The following TFB1M variants were observed in gnomAD, a reference collection of about 807,000 sequenced individuals.
The protein encoded by TFB1M is transcription factor B1, mitochondrial, also known as dimethyladenosine transferase 1, mitochondrial.
A neutral mutation model predicts 31.1 loss-of-function variants in TFB1M; 27 were observed. The ratio of observed to expected loss-of-function variants is 0.87; its 90% CI spans 0.64 to 1.20. TFB1M has a LOEUF of 1.20. Among genes scored for constraint, TFB1M ranks in the 50% most tolerant of loss-of-function variants. The pLI, the probability that TFB1M is intolerant of heterozygous loss-of-function variation, is 0.00. For synonymous variants in TFB1M, 166 were observed against 151.8 expected (o/e 1.09, Z -0.69); for missense variants, 394 against 418.7 (o/e 0.94, Z 0.51).
intron 5 of TFB1M, chr6:155,264,287 A>G (rs1237791612): frequency 6.6e-6 from 1 of 152,196 alleles, no homozygotes; most frequent in Non-Finnish European, 1.5e-5. Context: ...CAACTTTCCC[A>G]GGTAAGGAGA....
chr6:155,265,084 G>A (rs1000567928), intron 5 of TFB1M, among the ~76,000 whole-genome samples: 4 of 152,232 alleles, frequency 2.6e-5, no homozygotes, highest in African/African-American at 9.6e-5. Flanking sequence ...TGGTGTCTGT[G>A]AAGCAGCAGC....
chr6:155,261,209 C>T (rs186476259), intron 5 of TFB1M, among the ~76,000 whole-genome samples: 1 of 152,298 alleles, frequency 6.6e-6, no homozygotes, highest in Non-Finnish European at 1.5e-5. Context: ...ACTACACACA[C>T]AAAAATGCTA....
chr6:155,264,485 C>T (rs946438835), intron 5 of TFB1M, among the ~76,000 whole-genome samples: 4 of 152,192 alleles, frequency 2.6e-5, no homozygotes, highest in African/African-American at 9.7e-5. Context: ...AAGCTGACAG[C>T]ATTCTAAGTA....
At chr6:155,237,496 C>T in the TFB1M span, among the ~76,000 whole-genome samples, 1,616 of 152,356 alleles carry the variant, frequency 0.011, 30 homozygotes, top group African/African-American at 0.037. Context: ...CTGTGTGGGG[C>T]TCCAACCCCA....
At chr6:155,261,566 A>T (rs1296807726) in intron 5 of TFB1M, among the ~76,000 whole-genome samples, 1 of 152,206 alleles carries the variant, frequency 6.6e-6, no homozygotes, top group Non-Finnish European at 1.5e-5. Context: ...TATGGACAAG[A>T]AAGTGAAAAT....
chr6:155,255,428 T>A (rs1208745995), downstream of TFB1M: 1 of 152,190 alleles, frequency 6.6e-6, no homozygotes, highest in Non-Finnish European at 1.5e-5. Flanking sequence ...TTTCTTGTTT[T>A]TAGGCTTAGA....
chr6:155,251,958 C>A, downstream of TFB1M: 1 of 1,603,170 alleles, frequency 6.2e-7, no homozygotes. Flanking sequence ...TTAAGAGAGC[C>A]GTCATACTGG....
At chr6:155,306,718 A>G (rs1777780950) in intron 2 of TFB1M, among the ~76,000 whole-genome samples, 2 of 152,208 alleles carry the variant, frequency 1.3e-5, no homozygotes, top group African/African-American at 4.8e-5. Flanking sequence ...TCTGAGATAG[A>G]TAAAGGGGGA....
chr6:155,272,066 A>C (rs1784944625), intron 5 of TFB1M, among the ~76,000 whole-genome samples: 2 of 152,098 alleles, frequency 1.3e-5, no homozygotes, highest in Non-Finnish European at 2.9e-5. Context: ...AACTTATTGG[A>C]GCTTTATAAA....
At chr6:155,244,231 T>C in the TFB1M span, 2 of 744,472 alleles carry the variant, frequency 2.7e-6, no homozygotes, top group East Asian at 5.3e-5. Context: ...AGCCTCCTCC[T>C]AAACCACTGC....
intron 2 of TFB1M, among the ~76,000 whole-genome samples, chr6:155,302,710 T>C (rs1454043962): frequency 6.6e-6 from 1 of 152,210 alleles, no homozygotes; most frequent in Non-Finnish European, 1.5e-5. Flanking sequence ...TGTTGGATAT[T>C]TCAATGTCAT....
chr6:155,276,401 A>C, intron 5 of TFB1M: 1 of 1,583,868 alleles, frequency 6.3e-7, no homozygotes, highest in Admixed American at 1.8e-5. Context: ...ATGCATATGA[A>C]ATGGAACTTT....
chr6:155,246,463 A>T, the TFB1M span, among the ~76,000 whole-genome samples: 1 of 152,154 alleles, frequency 6.6e-6, no homozygotes, highest in Non-Finnish European at 1.5e-5. Flanking sequence ...CCTCCCACAA[A>T]CACCCTCTTT....
chr6:155,258,030 A>ACTC lies in TFB1M; in HGVS notation c.844_846dup (p.Glu282dup), dbSNP rs780966892. 19 of 1,614,080 alleles carry ACTC rather than the reference A, an allele frequency of 1.2e-5. No individual in the cohort carries two copies. The African/African-American group carries it at 2.0e-4, about 17-fold the overall frequency. On this transcript the variant is annotated inframe_insertion, in exon 7 of 7. Transcript: ENST00000367166. The stretch of plus-strand genomic sequence containing the variant: ...CGAAGAGTAGGGTCTATGTCTGCCA[A>ACTC]CTCTAACAGCCTGCCCGTGCTTTCC...
intron 5 of TFB1M, chr6:155,276,432 T>C (rs995616335): frequency 6.3e-5 from 93 of 1,476,052 alleles, no homozygotes; most frequent in Non-Finnish European, 8.2e-5. Flanking sequence ...ATGGGACTTT[T>C]AGATTAAAAA....
At chr6:155,297,985 T>C (rs1472163981) in intron 3 of TFB1M, among the ~76,000 whole-genome samples, 1 of 152,236 alleles carries the variant, frequency 6.6e-6, no homozygotes. Context: ...GAGTCTGTTA[T>C]AGGAAGAAAC....
intron 5 of TFB1M, among the ~76,000 whole-genome samples, chr6:155,270,000 G>T (rs987488064): frequency 6.6e-6 from 1 of 152,234 alleles, no homozygotes; most frequent in African/African-American, 2.4e-5. Flanking sequence ...TACCTCAGAG[G>T]TCTTGCGCTA....
Position 155,311,265 on chromosome 6 carries a change from T to C in TFB1M, c.208A>G (p.Thr70Ala). The C allele has an allele frequency of 6.2e-7, 1 of 1,614,106 alleles. No homozygotes were observed. Among genetic ancestry groups the C allele is most frequent in the Non-Finnish European group, 8.5e-7 (1 of 1,179,946 alleles). ...ACGTCGGCATTAAGAATAGATCTTGTGATTCCCCCTGGCCCAGGGCCCACT... is the reference window on the plus strand; with the variant it reads ...ACGTCGGCATTAAGAATAGATCTTGCGATTCCCCCTGGCCCAGGGCCCACT... ...YEVGPGPGGI[T>A]RSILNADVAE... is the part of the protein sequence containing the mutation. Residue 70 changes from threonine to alanine, a missense_variant, in exon 2 of 7, where the codon ACA (threonine) becomes GCA (alanine). Physicochemically the swap from Thr to Ala is moderately conservative, Grantham distance 58. Transcript: ENST00000367166.
chr6:155,244,679 T>C, the TFB1M span: 2 of 1,613,948 alleles, frequency 1.2e-6, no homozygotes, highest in African/African-American at 1.3e-5. Flanking sequence ...TTTTGGAAGT[T>C]TGCCAGAGAT....
Sources: gnomAD v4.1 joint callset for allele counts (sites outside exome capture counted in the v4.1 genomes callset) on GRCh38, gnomAD v4.1.1 for gene constraint, MANE v1.5 for transcripts, NCBI Gene and HGNC (gene_info 2026-07-23, HGNC 2026-07-21) for gene names.